The following ARB2A variants were observed in gnomAD, a reference collection of about 807,000 sequenced individuals.
ARB2A encodes the protein ARB2 cotranscriptional regulator A.
the ARB2A span, among the ~76,000 whole-genome samples, chr5:93,944,364 C>T: frequency 1.3e-5 from 2 of 152,000 alleles, no homozygotes; most frequent in South Asian, 2.1e-4. Flanking sequence ...GGAAGGCTGA[C>T]GCAGAAGGAT....
At chr5:93,745,391 A>G in the ARB2A span, among the ~76,000 whole-genome samples, 2 of 152,198 alleles carry the variant, frequency 1.3e-5, no homozygotes, top group African/African-American at 2.4e-5. Context: ...CGTATTATAG[A>G]CATACCATTT....
chr5:94,034,669 G>T, the ARB2A span, among the ~76,000 whole-genome samples: 6 of 152,176 alleles, frequency 3.9e-5, no homozygotes, highest in African/African-American at 1.2e-4. Context: ...GCACTTTCTA[G>T]TTGGTTCTTC....
chr5:94,094,975 C>T, the ARB2A span, among the ~76,000 whole-genome samples: 2 of 152,156 alleles, frequency 1.3e-5, no homozygotes, highest in African/African-American at 4.8e-5. Flanking sequence ...TGTCCTCTCC[C>T]CATGACGTCA....
the ARB2A span, among the ~76,000 whole-genome samples, chr5:93,855,894 A>G: frequency 6.6e-6 from 1 of 151,970 alleles, no homozygotes; most frequent in Non-Finnish European, 1.5e-5. Context: ...TGGAAACTCT[A>G]AAAAGCAGAG....
At chr5:93,975,275 C>T in the ARB2A span, among the ~76,000 whole-genome samples, 1 of 148,702 alleles carries the variant, frequency 6.7e-6, no homozygotes, top group Admixed American at 6.7e-5. Flanking sequence ...CGAGATCATG[C>T]CACTGCACTC....
At chr5:94,061,108 G>C in the ARB2A span, among the ~76,000 whole-genome samples, 220 of 152,074 alleles carry the variant, frequency 1.4e-3, 1 homozygote, top group African/African-American at 5.0e-3. Context: ...CATGGTGGCG[G>C]GTGCCTGTAG....
the ARB2A span, among the ~76,000 whole-genome samples, chr5:93,906,155 A>G: frequency 4.0e-5 from 6 of 151,564 alleles, no homozygotes; most frequent in Non-Finnish European, 5.9e-5. Context: ...AGACAGATAT[A>G]TGTTTGTCAC....
At chr5:94,111,151 T>A in the ARB2A span, among the ~76,000 whole-genome samples, 1 of 152,192 alleles carries the variant, frequency 6.6e-6, no homozygotes, top group African/African-American at 2.4e-5. Context: ...AATAATACTT[T>A]TTGTAGAAAA....
the ARB2A span, among the ~76,000 whole-genome samples, chr5:93,635,802 C>T: frequency 1.3e-5 from 2 of 152,096 alleles, no homozygotes; most frequent in African/African-American, 4.8e-5. Context: ...ATGAGATACA[C>T]CTTATTTTAC....
the ARB2A span, among the ~76,000 whole-genome samples, chr5:93,972,054 G>A: frequency 6.6e-6 from 1 of 152,082 alleles, no homozygotes; most frequent in African/African-American, 2.4e-5. Flanking sequence ...TTGTGAACTT[G>A]GCAAAGGCTT....
the ARB2A span, among the ~76,000 whole-genome samples, chr5:93,719,347 G>A: frequency 6.6e-6 from 1 of 152,130 alleles, no homozygotes; most frequent in African/African-American, 2.4e-5. Flanking sequence ...GGAAAGTATA[G>A]AAATCATCTA....
the ARB2A span, among the ~76,000 whole-genome samples, chr5:93,927,983 C>T: frequency 6.6e-6 from 1 of 151,162 alleles, no homozygotes; most frequent in Non-Finnish European, 1.5e-5. Flanking sequence ...ATTCTAAAAT[C>T]AACATTACCA....
chr5:93,672,626 G>A, the ARB2A span, among the ~76,000 whole-genome samples: 1 of 151,928 alleles, frequency 6.6e-6, no homozygotes, highest in Non-Finnish European at 1.5e-5. Context: ...TAATATTTTA[G>A]TGCATTAAAA....
chr5:93,730,190 T>C, the ARB2A span, among the ~76,000 whole-genome samples: 1 of 152,170 alleles, frequency 6.6e-6, no homozygotes, highest in African/African-American at 2.4e-5. Flanking sequence ...ACATTTTTGT[T>C]AGTATTTTAC....
At chr5:93,697,037 G>A in the ARB2A span, among the ~76,000 whole-genome samples, 1 of 145,436 alleles carries the variant, frequency 6.9e-6, no homozygotes, top group Non-Finnish European at 1.5e-5. Flanking sequence ...ATTCCAGCCT[G>A]GGTGACAAAG....
the ARB2A span, among the ~76,000 whole-genome samples, chr5:93,676,922 G>A: frequency 6.6e-6 from 1 of 152,104 alleles, no homozygotes; most frequent in African/African-American, 2.4e-5. Flanking sequence ...AATTTCCCAC[G>A]CCATGTCACG....
the ARB2A span, among the ~76,000 whole-genome samples, chr5:94,042,831 G>T: frequency 1.3e-5 from 2 of 151,762 alleles, no homozygotes; most frequent in African/African-American, 2.4e-5. Flanking sequence ...ACTTTCTTTG[G>T]GTTATATTTA....
chr5:93,954,012 TG>T, the ARB2A span, among the ~76,000 whole-genome samples: 1 of 152,108 alleles, frequency 6.6e-6, no homozygotes, highest in Admixed American at 6.5e-5. Flanking sequence ...AGGACTCTCC[TG>T]TAAGGGCAGT....
At chr5:93,636,801 C>T in the ARB2A span, among the ~76,000 whole-genome samples, 2 of 152,106 alleles carry the variant, frequency 1.3e-5, no homozygotes, top group Non-Finnish European at 2.9e-5. Context: ...TCATTTTATC[C>T]AAAGAGGATT....
Sources: gnomAD v4.1 joint callset for allele counts (sites outside exome capture counted in the v4.1 genomes callset) on GRCh38, gnomAD v4.1.1 for gene constraint, MANE v1.5 for transcripts, NCBI Gene and HGNC (gene_info 2026-07-23, HGNC 2026-07-21) for gene names.